CCSER1: variants seen among roughly 807,000 people sequenced by gnomAD.
The protein encoded by CCSER1 is serine-rich coiled-coil domain-containing protein 1.
CCSER1 carries 41 observed loss-of-function variants against 82.0 expected under a neutral mutation model. The observed-to-expected ratio is 0.50, with a 90% CI of 0.39 to 0.65. The LOEUF is 0.65. CCSER1 is among the 30% of genes least tolerant of loss of function. The pLI is 0.00. For missense variants in CCSER1, 1,119 were observed against 1,064.2 expected (o/e 1.05, Z -0.72); for synonymous variants, 414 against 383.9 (o/e 1.08, Z -0.92).
intron 10 of CCSER1, among the ~76,000 whole-genome samples, chr4:91,414,100 T>C (rs1482838117): frequency 6.6e-6 from 1 of 152,036 alleles, no homozygotes; most frequent in Admixed American, 6.6e-5. Flanking sequence ...CTTAAGAAAA[T>C]ATAAAACTCA....
At chr4:91,169,467 A>G (rs541447439) in intron 10 of CCSER1, among the ~76,000 whole-genome samples, 57 of 152,206 alleles carry the variant, frequency 3.7e-4, no homozygotes, top group African/African-American at 1.2e-3. Flanking sequence ...CTAAAAATAC[A>G]AAAATTAGCC....
intron 6 of CCSER1, among the ~76,000 whole-genome samples, chr4:90,672,481 G>C (rs1732977379): frequency 6.6e-6 from 1 of 152,022 alleles, no homozygotes; most frequent in Non-Finnish European, 1.5e-5. Flanking sequence ...TTAGGCCTTG[G>C]TTTAAGGGAA....
At chr4:91,296,977 T>TA (rs951681299) in intron 10 of CCSER1, among the ~76,000 whole-genome samples, 25 of 150,444 alleles carry the variant, frequency 1.7e-4, no homozygotes, top group Admixed American at 3.3e-4. Flanking sequence ...GATTTTGGGT[T>TA]AAAAAAAAAC....
intron 10 of CCSER1, among the ~76,000 whole-genome samples, chr4:91,539,958 A>T (rs1006026683): frequency 4.6e-5 from 7 of 152,086 alleles, no homozygotes; most frequent in Non-Finnish European, 1.5e-5. Context: ...ATAAAAGAAA[A>T]TGTCTGGGAT....
chr4:91,136,499 C>T (rs1351005773), intron 10 of CCSER1, among the ~76,000 whole-genome samples: 1 of 152,106 alleles, frequency 6.6e-6, no homozygotes, highest in African/African-American at 2.4e-5. Flanking sequence ...CCCATCCTGA[C>T]CTACAATGGA....
At chr4:90,164,890 T>C (rs561817898) in intron 1 of CCSER1, among the ~76,000 whole-genome samples, 22 of 152,056 alleles carry the variant, frequency 1.4e-4, no homozygotes, top group South Asian at 4.1e-4. Context: ...TAGACTTGGA[T>C]TGGTGTTCTG....
At chr4:90,785,260 A>G (rs1470486806) in intron 7 of CCSER1, among the ~76,000 whole-genome samples, 1 of 151,778 alleles carries the variant, frequency 6.6e-6, no homozygotes, top group Non-Finnish European at 1.5e-5. Context: ...CTGGTCTGGA[A>G]CTCCTGGGCT....
At chr4:91,426,980 A>AG (rs1379647346) in intron 10 of CCSER1, among the ~76,000 whole-genome samples, 1 of 152,156 alleles carries the variant, frequency 6.6e-6, no homozygotes, top group Non-Finnish European at 1.5e-5. Flanking sequence ...CTAGGTGAGG[A>AG]GCTAGGGCAC....
chr4:90,375,381 A>T (rs560455464), intron 3 of CCSER1, among the ~76,000 whole-genome samples: 95 of 152,298 alleles, frequency 6.2e-4, no homozygotes, highest in Non-Finnish European at 1.2e-3. Flanking sequence ...AAAGTAAAAT[A>T]TAGCTACTAG....
intron 8 of CCSER1, among the ~76,000 whole-genome samples, chr4:90,882,659 G>GA (rs1721512202): frequency 6.6e-6 from 1 of 151,846 alleles, no homozygotes; most frequent in Admixed American, 6.6e-5. Context: ...AAAGAATAAT[G>GA]AGTAGCTCTT....
At chr4:90,700,788 T>C (rs1279103517) in intron 6 of CCSER1, among the ~76,000 whole-genome samples, 1 of 152,272 alleles carries the variant, frequency 6.6e-6, no homozygotes, top group Non-Finnish European at 1.5e-5. Context: ...AAATGTCTGC[T>C]TTTGAGACGT....
At chr4:91,578,412 C>T (rs1763558672) in intron 10 of CCSER1, among the ~76,000 whole-genome samples, 1 of 151,674 alleles carries the variant, frequency 6.6e-6, no homozygotes, top group African/African-American at 2.4e-5. Context: ...ATAAATGTAT[C>T]AGATTGCTGG....
At chr4:91,116,473 TAAC>T (rs1726612542) in intron 10 of CCSER1, among the ~76,000 whole-genome samples, 1 of 152,200 alleles carries the variant, frequency 6.6e-6, no homozygotes, top group Non-Finnish European at 1.5e-5. Flanking sequence ...GCTCTTGTAA[TAAC>T]AACAGCAAAG....
intron 5 of CCSER1, among the ~76,000 whole-genome samples, chr4:90,515,138 G>A (rs576720178): frequency 6.6e-6 from 1 of 152,274 alleles, no homozygotes; most frequent in African/African-American, 2.4e-5. Flanking sequence ...TTACAGGCCT[G>A]AGCCACCGCA....
intron 10 of CCSER1, among the ~76,000 whole-genome samples, chr4:91,332,126 T>C (rs1304320050): frequency 2.0e-5 from 3 of 152,108 alleles, no homozygotes; most frequent in Non-Finnish European, 2.9e-5. Context: ...TCATTTCGAA[T>C]GCTCATTAAA....
intron 10 of CCSER1, among the ~76,000 whole-genome samples, chr4:91,403,384 A>G (rs1387228926): frequency 1.3e-5 from 2 of 152,032 alleles, no homozygotes; most frequent in Admixed American, 6.6e-5. Context: ...AATACCTATT[A>G]TTTCTTTCTT....
chr4:90,442,377 G>A (rs552721898), intron 4 of CCSER1, among the ~76,000 whole-genome samples: 73 of 152,168 alleles, frequency 4.8e-4, no homozygotes, highest in African/African-American at 1.5e-3. Context: ...GATTGTCTAC[G>A]GTCCCCAAGG....
intron 3 of CCSER1, among the ~76,000 whole-genome samples, chr4:90,374,643 G>A (rs1027146232): frequency 6.6e-6 from 1 of 152,048 alleles, no homozygotes; most frequent in African/African-American, 2.4e-5. Flanking sequence ...ACAAAGCATT[G>A]TCCTCACCCA....
At chr4:90,176,345 A>G (rs1420702018) in intron 1 of CCSER1, among the ~76,000 whole-genome samples, 2 of 152,004 alleles carry the variant, frequency 1.3e-5, no homozygotes, top group African/African-American at 4.8e-5. Flanking sequence ...TAGACACAGG[A>G]TACAGTTTTT....
Sources: gnomAD v4.1 joint callset for allele counts (sites outside exome capture counted in the v4.1 genomes callset) on GRCh38, gnomAD v4.1.1 for gene constraint, MANE v1.5 for transcripts, NCBI Gene and HGNC (gene_info 2026-07-23, HGNC 2026-07-21) for gene names.